The following SEMA5A variants were observed in gnomAD, a reference collection of about 807,000 sequenced individuals.
SEMA5A encodes semaphorin 5A.
SEMA5A carries 55 observed loss-of-function variants against 135.5 expected under a neutral mutation model. The observed-to-expected ratio is 0.41, with a 90% CI of 0.33 to 0.51. The LOEUF is 0.51. Among genes scored for constraint, SEMA5A ranks in the 20% least tolerant of loss-of-function variants. SEMA5A has a pLI of 0.37. For synonymous variants in SEMA5A, 580 were observed against 546.5 expected (o/e 1.06, Z -0.85); for missense variants, 1,290 against 1,419.9 (o/e 0.91, Z 1.47).
At chr5:9,408,577 G>A (rs547696859) in intron 2 of SEMA5A, among the ~76,000 whole-genome samples, 45 of 152,142 alleles carry the variant, frequency 3.0e-4, no homozygotes, top group South Asian at 4.1e-4. Context: ...CTCCTACATC[G>A]TGCTTAGTAG....
chr5:9,503,115 T>C (rs188857731), intron 1 of SEMA5A, among the ~76,000 whole-genome samples: 5 of 144,152 alleles, frequency 3.5e-5, no homozygotes, highest in Non-Finnish European at 6.2e-5. Context: ...GTATTGAAAA[T>C]AGCATAAAAG....
chr5:9,173,279 G>GTTTTTTTTTTTTTTTTT (rs35531350), intron 11 of SEMA5A, among the ~76,000 whole-genome samples: 1 of 121,816 alleles, frequency 8.2e-6, no homozygotes, highest in Non-Finnish European at 1.7e-5. Context: ...TCTTCACCCG[G>GTTTTTTTTTTTTTTTTT]TTTTTTTTTT....
At chr5:9,521,988 G>A (rs920037460) in intron 1 of SEMA5A, among the ~76,000 whole-genome samples, 2 of 152,132 alleles carry the variant, frequency 1.3e-5, no homozygotes, top group African/African-American at 4.8e-5. Context: ...GGCTCCACCT[G>A]ATTTCTGAGG....
At chr5:9,385,030 A>G (rs777609995) in intron 2 of SEMA5A, among the ~76,000 whole-genome samples, 2 of 152,254 alleles carry the variant, frequency 1.3e-5, no homozygotes, top group African/African-American at 2.4e-5. Flanking sequence ...GTGAGTTAAT[A>G]TGAAACAAAT....
intron 2 of SEMA5A, among the ~76,000 whole-genome samples, chr5:9,393,699 G>A (rs1194314329): frequency 6.6e-6 from 1 of 152,100 alleles, no homozygotes; most frequent in Non-Finnish European, 1.5e-5. Context: ...TTGTAGGAAA[G>A]ACACGTCTAA....
intron 4 of SEMA5A, among the ~76,000 whole-genome samples, chr5:9,331,945 A>C (rs1324113720): frequency 6.6e-6 from 1 of 152,250 alleles, no homozygotes; most frequent in African/African-American, 2.4e-5. Context: ...TTGCACATAC[A>C]TTTATACAGA....
intron 5 of SEMA5A, among the ~76,000 whole-genome samples, chr5:9,309,967 A>C (rs1035071747): frequency 6.6e-6 from 1 of 152,186 alleles, no homozygotes; most frequent in Non-Finnish European, 1.5e-5. Flanking sequence ...TTCTGGGTCA[A>C]GATCAACTGG....
At chr5:9,045,941 G>A (rs1461038136) in intron 21 of SEMA5A, 1 of 152,216 alleles carries the variant, frequency 6.6e-6, no homozygotes, top group East Asian at 1.9e-4. Context: ...GATATTCCTT[G>A]TGTATGTTGG....
intron 11 of SEMA5A, among the ~76,000 whole-genome samples, chr5:9,172,516 C>T (rs889411224): frequency 1.3e-5 from 2 of 152,122 alleles, no homozygotes; most frequent in African/African-American, 2.4e-5. Context: ...CACTTCAATA[C>T]TAAAAATCAT....
chr5:9,251,250 C>G lies in SEMA5A; in HGVS notation c.271-13360G>C, dbSNP rs111599895. ...GCCTCCAGAACCATGAGTCAAATAA[C>G]CTAATATTTTATATAAATTACCCAG... On this transcript the variant is annotated intron_variant, in intron 5 of 22. Transcript: ENST00000382496. Among the ~76,000 whole-genome samples, 54 of 152,210 alleles carry G rather than the reference C, an allele frequency of 3.5e-4. 1 individual carries two copies. In the East Asian group the frequency reaches 0.01, roughly 28 times the overall value.
chr5:9,535,138 T>G (rs16883076), intron 1 of SEMA5A, among the ~76,000 whole-genome samples: 3,115 of 152,304 alleles, frequency 0.02, 103 homozygotes, highest in African/African-American at 0.071. Flanking sequence ...GGCTTTCCTA[T>G]GCAGCAAGAC....
Position 9,249,937 on chromosome 5 carries a change from C to T in SEMA5A, c.271-12047G>A, listed in dbSNP as rs142826571. ...GGGATTGGAGAGGTCTCTGGCTACA[C>T]GCTGATATGCAGCTCAGGACAGGCC... On this transcript the variant is annotated intron_variant, in intron 5 of 22. Transcript: ENST00000382496. Among the ~76,000 whole-genome samples the T allele has an allele frequency of 1.3e-4, 20 of 152,270 alleles. No individual in the cohort carries two copies. The East Asian group carries it at 2.5e-3, about 19-fold the overall frequency.
Position 9,051,983 on chromosome 5 carries a change from C to T in SEMA5A, c.2735G>A (p.Gly912Asp). 6.2e-7 allele frequency: 1 copy of T among 1,613,624 alleles called. No individual in the cohort carries two copies. The highest frequency in any genetic ancestry group is 1.1e-5 in the South Asian group (1 of 90,942). Reference sequence around the variant, plus strand: ...GCACTGGCGGGCGCGGACTTGGACGCCAGAGGCTTCACACTCAGACCAGTC... The same window carrying T: ...GCACTGGCGGGCGCGGACTTGGACGTCAGAGGCTTCACACTCAGACCAGTC... ...WSDWSECEAS[G>D]VQVRARQCIL... is the part of the protein sequence containing the mutation. The change falls in exon 20 of 23, where the codon GGC becomes GAC. Residue 912 changes from glycine (G) to aspartate (D), a missense_variant. Gly to Asp is a moderately conservative substitution (Grantham distance 94). This residue lies in a region of SEMA5A where 1,029 missense variants were observed against 1,086.6 expected (regional missense o/e 0.95). Coordinates refer to ENST00000382496, the MANE Select transcript of SEMA5A (RefSeq NM_003966.3).
chr5:9,479,577 T>C (rs975086557), intron 1 of SEMA5A, among the ~76,000 whole-genome samples: 2 of 152,192 alleles, frequency 1.3e-5, no homozygotes, highest in African/African-American at 4.8e-5. Flanking sequence ...AAAGAATGTA[T>C]GTACAGTGCC....
chr5:9,050,866 G>T (rs1012007455), intron 20 of SEMA5A, among the ~76,000 whole-genome samples: 1 of 152,180 alleles, frequency 6.6e-6, no homozygotes, highest in Non-Finnish European at 1.5e-5. Flanking sequence ...GGCAGAGGGA[G>T]GGCCCATTCA....
intron 10 of SEMA5A, among the ~76,000 whole-genome samples, chr5:9,191,133 G>T (rs1745090006): frequency 6.6e-6 from 1 of 152,162 alleles, no homozygotes; most frequent in African/African-American, 2.4e-5. Flanking sequence ...GGAGGTAAGG[G>T]AAATGGGGAA....
At chr5:9,170,576 G>A (rs939702781) in intron 11 of SEMA5A, among the ~76,000 whole-genome samples, 1 of 151,994 alleles carries the variant, frequency 6.6e-6, no homozygotes. Context: ...CATGAGGGTG[G>A]AGCCCTCATG....
intron 2 of SEMA5A, among the ~76,000 whole-genome samples, chr5:9,434,421 G>A (rs548179178): frequency 6.6e-6 from 1 of 151,868 alleles, no homozygotes; most frequent in Non-Finnish European, 1.5e-5. Flanking sequence ...CTACATTAAT[G>A]CACTTTAAAA....
intron 2 of SEMA5A, among the ~76,000 whole-genome samples, chr5:9,397,767 T>A (rs1250340772): frequency 6.6e-6 from 1 of 152,244 alleles, no homozygotes; most frequent in African/African-American, 2.4e-5. Flanking sequence ...ACCAGAGGAT[T>A]GCAGTAGCTT....
Sources: allele counts gnomAD v4.1 joint callset (sites outside exome capture counted in the v4.1 genomes callset), GRCh38; gene constraint gnomAD v4.1.1; regional missense constraint gnomAD v4.1.1; transcripts MANE v1.5; gene names NCBI Gene and HGNC (gene_info 2026-07-23, HGNC 2026-07-21).